CTDSPL2: variants seen among roughly 807,000 people sequenced by gnomAD.
CTDSPL2 encodes the protein CTD small phosphatase like 2.
A neutral mutation model predicts 60.0 loss-of-function variants in CTDSPL2; 5 were observed. The observed-to-expected ratio is 0.08, with a 90% CI of 0.04 to 0.18. The LOEUF (loss-of-function observed/expected upper bound fraction) is 0.18. Ranked by LOEUF, CTDSPL2 falls within the 10% of genes least tolerant of loss-of-function variation. The pLI, the probability that CTDSPL2 is intolerant of heterozygous loss-of-function variation, is 1.00. For synonymous variants in CTDSPL2, 186 were observed against 189.3 expected, an observed-to-expected ratio of 0.98 and a Z score of 0.14; for missense variants, 370 against 548.8, an observed-to-expected ratio of 0.67 and a Z score of 3.26.
At chr15:44,465,286 T>C (rs1200646826) in intron 2 of CTDSPL2, among the ~76,000 whole-genome samples, 4 of 152,184 alleles carry the variant, frequency 2.6e-5, no homozygotes, top group Non-Finnish European at 5.9e-5. Context: ...AATATATTTG[T>C]TTTCTACCAT....
chr15:44,429,175 A>G (rs1418335297), intron 1 of CTDSPL2, among the ~76,000 whole-genome samples: 2 of 152,214 alleles, frequency 1.3e-5, no homozygotes, highest in Admixed American at 6.5e-5. Context: ...TATAATCCTC[A>G]TTTGGTAGAC....
At chr15:44,507,077 G>T (rs1179758209) in intron 8 of CTDSPL2, among the ~76,000 whole-genome samples, 3 of 143,470 alleles carry the variant, frequency 2.1e-5, no homozygotes, top group African/African-American at 5.3e-5. Context: ...TTTTTTGTTT[G>T]TTTTTTGTTT....
chr15:44,514,342 C>T (rs1460794167), intron 8 of CTDSPL2, among the ~76,000 whole-genome samples: 1 of 152,110 alleles, frequency 6.6e-6, no homozygotes, highest in Non-Finnish European at 1.5e-5. Flanking sequence ...AATTACATAC[C>T]AGTGAAGTAC....
Position 44,524,221 on chromosome 15 carries a change from C to G in CTDSPL2, c.*47C>G. 6.7e-7 allele frequency: 1 copy of G among 1,496,004 alleles called. No individual in the cohort carries two copies. Among genetic ancestry groups the G allele is most frequent in the Non-Finnish European group, 9.3e-7 (1 of 1,074,816 alleles). 92.7% of individuals were successfully genotyped at this position (1,496,004 alleles called of 1,614,324 possible). A position where few individuals can be genotyped will look rare whatever the true frequency, so the allele number is the denominator to read the frequency against. On this transcript the variant is annotated 3_prime_UTR_variant, in exon 13 of 13. Transcript: ENST00000260327. Reference sequence around the variant, plus strand: ...CTGAAGGGGGAGAGAATGCAGGACCCTTTTGGACTAAGACAAAAACATTGC... The same window carrying G: ...CTGAAGGGGGAGAGAATGCAGGACCGTTTTGGACTAAGACAAAAACATTGC...
At chr15:44,511,829 C>T (rs2081570635) in intron 8 of CTDSPL2, among the ~76,000 whole-genome samples, 1 of 135,444 alleles carries the variant, frequency 7.4e-6, no homozygotes, top group South Asian at 2.3e-4. Flanking sequence ...GATCATGTTA[C>T]TGCACTCCAG....
intron 2 of CTDSPL2, among the ~76,000 whole-genome samples, chr15:44,465,753 G>T (rs1779906760): frequency 1.6e-5 from 2 of 128,364 alleles, no homozygotes; most frequent in Non-Finnish European, 3.1e-5. Flanking sequence ...TTGCTCTGTC[G>T]CCCAGGCTGG....
intron 1 of CTDSPL2, among the ~76,000 whole-genome samples, chr15:44,431,926 G>A (rs1029461714): frequency 6.6e-6 from 1 of 151,694 alleles, no homozygotes; most frequent in African/African-American, 2.4e-5. Flanking sequence ...GTTTCACCAT[G>A]TTGGTCAGGC....
chr15:44,437,934 A>C (rs183301710), intron 1 of CTDSPL2, among the ~76,000 whole-genome samples: 224 of 152,346 alleles, frequency 1.5e-3, no homozygotes, highest in Non-Finnish European at 2.6e-3. Flanking sequence ...TATAGAGCAC[A>C]GTGTGGGCAG....
chr15:44,526,008 T>C lies in CTDSPL2; in HGVS notation c.*1834T>C, dbSNP rs968632133. 1 of 152,244 alleles carries C rather than the reference T, an allele frequency of 6.6e-6. No individual in the cohort carries two copies. 9.4% of individuals were successfully genotyped at this position (152,244 alleles called of 1,614,324 possible). ...AAACAAAAGCATTTGCAATTCAGAA[T>C]ACTGATTTTTTTAATTTTATTTAAA... On this transcript the variant is annotated 3_prime_UTR_variant, in exon 13 of 13. Transcript: ENST00000260327.
intron 1 of CTDSPL2, among the ~76,000 whole-genome samples, chr15:44,450,116 T>A (rs1390375665): frequency 6.6e-6 from 1 of 152,126 alleles, no homozygotes; most frequent in Non-Finnish European, 1.5e-5. Context: ...GTTTTTGCTG[T>A]GGTTGGAGAG....
chr15:44,462,511 A>G (rs2080592476), intron 2 of CTDSPL2, among the ~76,000 whole-genome samples: 1 of 127,294 alleles, frequency 7.9e-6, no homozygotes, highest in Non-Finnish European at 1.7e-5. Flanking sequence ...TTATATGCAC[A>G]ATTCACACTA....
rs111860929 is a variant in CTDSPL2 at position 44,435,398 on chromosome 15, C to T, written c.-25+7626C>T. On this transcript the variant is annotated intron_variant, in intron 1 of 12. Transcript: ENST00000260327. ...CAGCTTGGCCAACATGGCGAAACCC[C>T]GTCTCTACCAAAAATACAAAAATTA... Among the ~76,000 whole-genome samples the T allele has an allele frequency of 8.8e-3, 1,333 of 151,896 alleles. 6 individuals are homozygous for T. Among genetic ancestry groups the T allele is most frequent in the Admixed American group, 0.015 (222 of 15,262 alleles).
At chr15:44,519,038 G>C (rs1595782529) in intron 10 of CTDSPL2, 131 bp from the exon 11 acceptor site, 2 of 510,736 alleles carry the variant, frequency 3.9e-6, no homozygotes, top group Non-Finnish European at 6.3e-6. Flanking sequence ...ACCCATATTT[G>C]TGTTTGAATT....
At chr15:44,501,464 A>G (rs1035364642) in intron 8 of CTDSPL2, among the ~76,000 whole-genome samples, 2 of 152,002 alleles carry the variant, frequency 1.3e-5, no homozygotes, top group African/African-American at 4.8e-5. Flanking sequence ...TACTGCTTCT[A>G]CCATTTCTGC....
intron 8 of CTDSPL2, among the ~76,000 whole-genome samples, chr15:44,500,400 A>T (rs1323227343): frequency 6.6e-6 from 1 of 152,194 alleles, no homozygotes; most frequent in Non-Finnish European, 1.5e-5. Flanking sequence ...ACTGTGGATT[A>T]TGTGTGCTGG....
intron 1 of CTDSPL2, among the ~76,000 whole-genome samples, chr15:44,439,814 T>C: frequency 6.6e-6 from 1 of 152,222 alleles, no homozygotes. Flanking sequence ...AGGTTGTTGC[T>C]GATGTTATAT....
chr15:44,510,664 A>C (rs1388875480), intron 8 of CTDSPL2, among the ~76,000 whole-genome samples: 1 of 152,214 alleles, frequency 6.6e-6, no homozygotes, highest in Non-Finnish European at 1.5e-5. Context: ...GGAAATGTAG[A>C]AAATGGGAAG....
chr15:44,500,278 A>G (rs185712280), intron 8 of CTDSPL2, among the ~76,000 whole-genome samples: 232 of 152,328 alleles, frequency 1.5e-3, no homozygotes, highest in Admixed American at 3.5e-3. Context: ...TTAGAATTCC[A>G]GGACACTCTT....
At chr15:44,466,610 A>G (rs2080697785) in intron 2 of CTDSPL2, among the ~76,000 whole-genome samples, 1 of 152,194 alleles carries the variant, frequency 6.6e-6, no homozygotes, top group Admixed American at 6.5e-5. Flanking sequence ...GCTATGTGGT[A>G]TAGCTTTTTG....
Sources: allele counts gnomAD v4.1 joint callset (sites outside exome capture counted in the v4.1 genomes callset), GRCh38; gene constraint gnomAD v4.1.1; transcripts MANE v1.5; gene names NCBI Gene and HGNC (gene_info 2026-07-23, HGNC 2026-07-21).